The following HDAC4 variants were observed in gnomAD, a reference collection of about 807,000 sequenced individuals.
HDAC4 encodes the protein histone deacetylase 4, also known as histone deacetylase A.
In HDAC4, 16 loss-of-function variants were observed where a neutral mutation model predicts 135.1. That is an observed-to-expected ratio of 0.12 (90% CI 0.08 to 0.18). HDAC4 has a LOEUF of 0.18. Among genes scored for constraint, HDAC4 ranks in the 10% least tolerant of loss-of-function variants. The probability of loss-of-function intolerance (pLI) is 1.00; values close to 1 mark genes in which losing one functional copy is unlikely to be tolerated. For missense variants in HDAC4, 1,143 were observed against 1,511.8 expected (o/e 0.76, Z 4.05); for synonymous variants, 685 against 653.4 (o/e 1.05, Z -0.74).
chr2:239,328,889 C>A (rs940292096), intron 2 of HDAC4, among the ~76,000 whole-genome samples: 1 of 152,228 alleles, frequency 6.6e-6, no homozygotes, highest in Non-Finnish European at 1.5e-5. Context: ...GGGTTTATGA[C>A]GATTTACTGA....
chr2:239,111,093 GC>G, intron 14 of HDAC4, among the ~76,000 whole-genome samples: 1 of 152,370 alleles, frequency 6.6e-6, no homozygotes, highest in East Asian at 1.9e-4. Context: ...TGTAATCACA[GC>G]CCCCCGCCAG....
chr2:239,211,520 G>A (rs2046353773), intron 3 of HDAC4, among the ~76,000 whole-genome samples: 1 of 152,144 alleles, frequency 6.6e-6, no homozygotes, highest in Non-Finnish European at 1.5e-5. Flanking sequence ...AAACATCAAA[G>A]GAATCTGCAT....
intron 14 of HDAC4, among the ~76,000 whole-genome samples, chr2:239,111,286 C>T (rs1264733831): frequency 6.6e-6 from 1 of 152,230 alleles, no homozygotes; most frequent in Non-Finnish European, 1.5e-5. Context: ...GTCTCTGGGA[C>T]AGGAAAGTGG....
chr2:239,330,125 G>A (rs1691467703), intron 2 of HDAC4, among the ~76,000 whole-genome samples: 3 of 152,372 alleles, frequency 2.0e-5, no homozygotes, highest in South Asian at 4.1e-4. Flanking sequence ...CTGGATCAGC[G>A]GCCACAGAGC....
intron 15 of HDAC4, 43 bp downstream of exon 15, chr2:239,108,007 G>A (rs1387486584): frequency 1.6e-5 from 25 of 1,609,188 alleles, no homozygotes; most frequent in East Asian, 2.2e-5. Context: ...CCCTCTAATG[G>A]TGCCCAAAGC....
intron 2 of HDAC4, among the ~76,000 whole-genome samples, chr2:239,270,480 T>A (rs1162017954): frequency 6.6e-6 from 1 of 151,734 alleles, no homozygotes; most frequent in Non-Finnish European, 1.5e-5. Context: ...TGAGATAGAA[T>A]GAGGCGATAG....
intron 3 of HDAC4, among the ~76,000 whole-genome samples, chr2:239,233,410 C>T (rs946421413): frequency 6.6e-6 from 1 of 151,312 alleles, no homozygotes; most frequent in Non-Finnish European, 1.5e-5. Flanking sequence ...TGAATTTTTA[C>T]ACTTAGGATG....
At chr2:239,296,456 G>A (rs2051898323) in intron 2 of HDAC4, among the ~76,000 whole-genome samples, 1 of 152,166 alleles carries the variant, frequency 6.6e-6, no homozygotes, top group Non-Finnish European at 1.5e-5. Flanking sequence ...TCAGATGCAG[G>A]CAGCCAGCTG....
intron 2 of HDAC4, among the ~76,000 whole-genome samples, chr2:239,282,046 C>G (rs1247367846): frequency 6.7e-6 from 1 of 150,288 alleles, no homozygotes; most frequent in East Asian, 2.0e-4. Flanking sequence ...ACATGCCACT[C>G]TACAATTTAC....
intron 2 of HDAC4, among the ~76,000 whole-genome samples, chr2:239,344,751 G>A (rs560616849): frequency 6.6e-6 from 1 of 152,296 alleles, no homozygotes; most frequent in South Asian, 2.1e-4. Flanking sequence ...TTGAAACCTT[G>A]CCTTTAGAAA....
At chr2:239,065,034 C>T (rs774360425) in intron 24 of HDAC4, among the ~76,000 whole-genome samples, 2 of 152,250 alleles carry the variant, frequency 1.3e-5, no homozygotes, top group South Asian at 4.1e-4. Context: ...GTTTCCCCAC[C>T]GCTCGTGACC....
intron 24 of HDAC4, among the ~76,000 whole-genome samples, chr2:239,063,848 G>C (rs1466093471): frequency 6.6e-6 from 1 of 152,226 alleles, no homozygotes; most frequent in South Asian, 2.1e-4. Context: ...CCACTTCCCT[G>C]ACCGCCAGCT....
At chr2:239,344,797 T>C (rs1370329245) in intron 2 of HDAC4, among the ~76,000 whole-genome samples, 2 of 152,164 alleles carry the variant, frequency 1.3e-5, no homozygotes, top group African/African-American at 2.4e-5. Context: ...CAAAAGCATC[T>C]CCCACCCCAA....
chr2:239,350,017 G>A (rs1027398336), intron 2 of HDAC4, among the ~76,000 whole-genome samples: 1 of 152,150 alleles, frequency 6.6e-6, no homozygotes, highest in Non-Finnish European at 1.5e-5. Context: ...GAACCGCAGC[G>A]GCTGAAATTC....
At position 239,066,236 on chromosome 2, in the gene HDAC4, A is replaced by C. The variant is rs547943861; in HGVS notation, c.3003+486T>G. 2.6e-5 allele frequency among the ~76,000 whole-genome samples: 4 copies of C among 152,182 alleles called. No individual in the cohort carries two copies. In the South Asian group the frequency reaches 8.3e-4, roughly 32 times the overall value. ...TCCCTCCGGCGGTGTTGGTAGGGAC[A>C]CAGCAGGGAGCCCTGTCCCTGGGGG... is the stretch of plus-strand genomic sequence containing the variant. On this transcript the variant is annotated intron_variant, in intron 24 of 26. Coordinates refer to ENST00000543185, the MANE Select transcript of HDAC4 (RefSeq NM_001378414.1).
intron 3 of HDAC4, among the ~76,000 whole-genome samples, chr2:239,196,519 G>A: frequency 6.6e-6 from 1 of 152,256 alleles, no homozygotes. Context: ...TGCAGTGGAA[G>A]GAGGAGTTGA....
chr2:239,302,591 G>C (rs529070031), intron 2 of HDAC4, among the ~76,000 whole-genome samples: 1 of 152,308 alleles, frequency 6.6e-6, no homozygotes, highest in South Asian at 2.1e-4. Flanking sequence ...CTCTTCCAGC[G>C]ACACAGTGGG....
At chr2:239,077,304 C>T (rs1222299405) in intron 22 of HDAC4, among the ~76,000 whole-genome samples, 1 of 152,252 alleles carries the variant, frequency 6.6e-6, no homozygotes, top group African/African-American at 2.4e-5. Context: ...CCATAATGTC[C>T]CGTGCCAGGC....
At chr2:239,180,371 C>T (rs763771265) in intron 4 of HDAC4, among the ~76,000 whole-genome samples, 1 of 152,116 alleles carries the variant, frequency 6.6e-6, no homozygotes, top group Non-Finnish European at 1.5e-5. Flanking sequence ...CTGGACCTCG[C>T]TTCCCACTGC....
Sources: gnomAD v4.1 joint callset for allele counts (sites outside exome capture counted in the v4.1 genomes callset) on GRCh38, gnomAD v4.1.1 for gene constraint, MANE v1.5 for transcripts, NCBI Gene and HGNC (gene_info 2026-07-23, HGNC 2026-07-21) for gene names.